Variants in CSNK1G3 observed in about 807,000 individuals in gnomAD.
CSNK1G3 encodes the protein casein kinase 1 gamma 3.
A neutral mutation model predicts 64.3 loss-of-function variants in CSNK1G3; 23 were observed. The observed-to-expected ratio is 0.36, with a 90% CI of 0.26 to 0.51. The LOEUF (loss-of-function observed/expected upper bound fraction) is 0.51, where lower values mean the gene tolerates loss of function less well. Ranked by LOEUF, CSNK1G3 falls within the 20% of genes least tolerant of loss-of-function variation. The pLI, the probability that CSNK1G3 is intolerant of heterozygous loss-of-function variation, is 0.96. For missense variants in CSNK1G3, 357 were observed against 510.5 expected (o/e 0.70, Z 2.90); for synonymous variants, 158 against 162.2 (o/e 0.97, Z 0.20).
chr5:123,574,858 A>G (rs191722862), intron 5 of CSNK1G3, among the ~76,000 whole-genome samples: 10 of 152,214 alleles, frequency 6.6e-5, no homozygotes, highest in Admixed American at 6.5e-4. Flanking sequence ...AAACCAACCA[A>G]CTGCCCCCAA....
At chr5:123,605,492 G>C in intron 12 of CSNK1G3, 130 bp downstream of exon 13, 1 of 992,388 alleles carries the variant, frequency 1.0e-6, no homozygotes, top group African/African-American at 1.6e-5. Flanking sequence ...TTATTCAAAA[G>C]TATTTGATAT....
At chr5:123,528,890 G>A (rs538692891) in intron 1 of CSNK1G3, among the ~76,000 whole-genome samples, 2 of 152,242 alleles carry the variant, frequency 1.3e-5, no homozygotes, top group South Asian at 4.1e-4. Flanking sequence ...TCACAGACAC[G>A]TACATACACA....
Position 123,519,077 on chromosome 5 carries a change from G to T in CSNK1G3, c.-248+6507G>T, listed in dbSNP as rs924350255. 2.6e-5 allele frequency among the ~76,000 whole-genome samples: 4 copies of T among 151,656 alleles called. No homozygotes were observed. In the East Asian group the frequency reaches 7.8e-4, roughly 29 times the overall value. ...GGCTGGCAAGTTACTTTTTGAGACG[G>T]AGTTTTACTCTTGTTTCCCAGGCTG... On this transcript the variant is annotated intron_variant, in intron 1 of 12. Transcript: ENST00000345990.
chr5:123,520,788 G>A (rs1777965831), intron 1 of CSNK1G3, among the ~76,000 whole-genome samples: 1 of 151,780 alleles, frequency 6.6e-6, no homozygotes, highest in African/African-American at 2.4e-5. Context: ...GACTTCAGGT[G>A]GTATACTAGG....
chr5:123,588,397 C>G, intron 7 of CSNK1G3, 30 bp from the exon 8 acceptor site: 1 of 1,530,400 alleles, frequency 6.5e-7, no homozygotes, highest in Non-Finnish European at 9.1e-7. Flanking sequence ...TAAATTACCA[C>G]ATTCTCAAGA....
intron 10 of CSNK1G3, 119 bp from the exon 11 acceptor site, chr5:123,594,920 T>C (rs2151027878): frequency 4.1e-6 from 3 of 728,938 alleles, no homozygotes; most frequent in Non-Finnish European, 6.7e-6. Context: ...TGATTCAGAA[T>C]AGTAAGGGTA....
chr5:123,593,915 A>G (rs1386233091), intron 10 of CSNK1G3, among the ~76,000 whole-genome samples: 1 of 152,110 alleles, frequency 6.6e-6, no homozygotes, highest in Non-Finnish European at 1.5e-5. Flanking sequence ...ACTTTGTGGC[A>G]AGATTTTCAT....
intron 6 of CSNK1G3, among the ~76,000 whole-genome samples, chr5:123,581,090 C>CT (rs1272988537): frequency 1.3e-5 from 2 of 151,640 alleles, no homozygotes; most frequent in Non-Finnish European, 3.0e-5. Flanking sequence ...GCTCACACAG[C>CT]TTTTTTGCAG....
At chr5:123,543,456 C>CA (rs1428475490) in intron 1 of CSNK1G3, among the ~76,000 whole-genome samples, 1 of 152,062 alleles carries the variant, frequency 6.6e-6, no homozygotes, top group Non-Finnish European at 1.5e-5. Context: ...TTTTTTTAGA[C>CA]TATTCCCTTG....
intron 5 of CSNK1G3, among the ~76,000 whole-genome samples, chr5:123,573,849 G>T (rs565592694): frequency 1.6e-3 from 229 of 138,952 alleles, no homozygotes; most frequent in Non-Finnish European, 2.4e-3. Context: ...CAGAAACATA[G>T]ATTTTTTTTT....
intron 4 of CSNK1G3, among the ~76,000 whole-genome samples, chr5:123,570,414 C>T (rs1787863379): frequency 6.9e-6 from 1 of 144,728 alleles, no homozygotes; most frequent in East Asian, 2.0e-4. Flanking sequence ...AGTGCAGTGG[C>T]GCGATCTTGG....
chr5:123,574,305 T>C (rs192304024), intron 5 of CSNK1G3, among the ~76,000 whole-genome samples: 1 of 152,278 alleles, frequency 6.6e-6, no homozygotes, highest in Admixed American at 6.5e-5. Context: ...TAAATGCCAA[T>C]AGAAGTGTGC....
At chr5:123,554,334 G>A (rs79542173) in intron 3 of CSNK1G3, among the ~76,000 whole-genome samples, 3,007 of 152,206 alleles carry the variant, frequency 0.02, 104 homozygotes, top group African/African-American at 0.069. Context: ...AGTTGTCAGC[G>A]TTTCTTAGAG....
intron 1 of CSNK1G3, among the ~76,000 whole-genome samples, chr5:123,525,539 C>T (rs762426444): frequency 3.9e-5 from 6 of 152,072 alleles, no homozygotes; most frequent in Non-Finnish European, 8.8e-5. Flanking sequence ...AAGCGATCTG[C>T]CCACCTCGGC....
At chr5:123,609,984 G>T (rs1796037022) in intron 12 of CSNK1G3, among the ~76,000 whole-genome samples, 1 of 152,140 alleles carries the variant, frequency 6.6e-6, no homozygotes, top group Non-Finnish European at 1.5e-5. Flanking sequence ...TCCTTTAAAA[G>T]GTGCTTAGCA....
chr5:123,601,021 T>C (rs966173934), intron 10 of CSNK1G3, among the ~76,000 whole-genome samples: 1 of 152,130 alleles, frequency 6.6e-6, no homozygotes, highest in Non-Finnish European at 1.5e-5. Context: ...ACCTGAATTA[T>C]TTTTTGAAAT....
intron 1 of CSNK1G3, among the ~76,000 whole-genome samples, chr5:123,520,027 TA>T (rs1415049875): frequency 2.6e-5 from 4 of 152,022 alleles, no homozygotes; most frequent in Admixed American, 6.6e-5. Flanking sequence ...TCCAGTAAAA[TA>T]AGTAAACAGA....
Position 123,585,041 on chromosome 5 carries a change from C to T in CSNK1G3, c.674-3027C>T, listed in dbSNP as rs373471396. ...TTCATTGGTTTTCATTACTGATTGT[C>T]CATTGGTCATTGATTTCCTCATTTG... On this transcript the variant is annotated intron_variant, in intron 6 of 12. Transcript: ENST00000345990. Among the ~76,000 whole-genome samples, 27 of 152,128 alleles carry T rather than the reference C, an allele frequency of 1.8e-4. No individual in the cohort carries two copies. In the South Asian group the frequency reaches 5.6e-3, roughly 32 times the overall value.
At chr5:123,554,983 C>T in intron 3 of CSNK1G3, among the ~76,000 whole-genome samples, 1 of 152,174 alleles carries the variant, frequency 6.6e-6, no homozygotes, top group East Asian at 1.9e-4. Flanking sequence ...CCATTGATGC[C>T]TTACTAAACG....
Sources: allele counts gnomAD v4.1 joint callset (sites outside exome capture counted in the v4.1 genomes callset), GRCh38; gene constraint gnomAD v4.1.1; transcripts MANE v1.5; gene names NCBI Gene and HGNC (gene_info 2026-07-23, HGNC 2026-07-21).